PPFIA2: variants seen among roughly 807,000 people sequenced by gnomAD.
PPFIA2 encodes the protein liprin-alpha-2.
PPFIA2 carries 46 observed loss-of-function variants against 175.5 expected under a neutral mutation model. That is an observed-to-expected ratio of 0.26 (90% CI 0.21 to 0.34). The LOEUF (loss-of-function observed/expected upper bound fraction) is 0.34, where lower values mean the gene tolerates loss of function less well. PPFIA2 is among the 10% of genes least tolerant of loss of function. The pLI is 1.00. For missense variants in PPFIA2, 1,179 were observed against 1,506.1 expected, an observed-to-expected ratio of 0.78 and a Z score of 3.60; for synonymous variants, 568 against 511.4, an observed-to-expected ratio of 1.11 and a Z score of -1.49.
At chr12:81,619,987 G>A (rs184027277) in intron 4 of PPFIA2, among the ~76,000 whole-genome samples, 1 of 151,870 alleles carries the variant, frequency 6.6e-6, no homozygotes, top group African/African-American at 2.4e-5. Context: ...GTGAAACCCC[G>A]TCTCTACTGA....
chr12:81,618,438 G>GAAAAA (rs1555529116), intron 4 of PPFIA2, among the ~76,000 whole-genome samples: 19 of 151,442 alleles, frequency 1.3e-4, no homozygotes, highest in African/African-American at 4.4e-4. Flanking sequence ...TTAAAAGGTA[G>GAAAAA]AGAAAACTGA....
At position 81,259,478 on chromosome 12, in the gene PPFIA2, T is replaced by C. The variant is rs902218667; in HGVS notation, c.*216A>G. 2.3e-5 allele frequency: 16 copies of C among 693,018 alleles called. No homozygotes were observed. Among genetic ancestry groups the C allele is most frequent in the African/African-American group, 5.4e-5 (3 of 55,592 alleles). The allele number at this position is 693,018 out of a possible 1,614,324, so 42.9% of individuals were successfully genotyped here. On this transcript the variant is annotated 3_prime_UTR_variant, in exon 33 of 33. Transcript: ENST00000549396. The stretch of plus-strand genomic sequence containing the variant: ...TATTATTCAAATGACTTAAGCATTT[T>C]ATTACAATTTGTAGTAAACTAATCA...
At chr12:81,518,959 A>G (rs139476899) in intron 4 of PPFIA2, among the ~76,000 whole-genome samples, 26 of 152,316 alleles carry the variant, frequency 1.7e-4, no homozygotes, top group African/African-American at 5.5e-4. Flanking sequence ...AGATAAAACA[A>G]ACCTTTAAAG....
intron 23 of PPFIA2, among the ~76,000 whole-genome samples, chr12:81,296,210 G>A (rs117997534): frequency 0.021 from 3,206 of 151,734 alleles, 66 homozygotes; most frequent in South Asian, 0.072. Flanking sequence ...TTCCAGCTAC[G>A]GGGGAGGCTG....
chr12:81,267,320 T>C (rs1042593370), intron 29 of PPFIA2: 4 of 428,472 alleles, frequency 9.3e-6, no homozygotes, highest in Non-Finnish European at 1.8e-5. Context: ...CTCTGAAATA[T>C]GTAAAAACAA....
intron 3 of PPFIA2, among the ~76,000 whole-genome samples, chr12:81,702,233 A>G (rs11114983): frequency 0.18 from 27,293 of 152,106 alleles, 3,128 homozygotes; most frequent in Admixed American, 0.24. Flanking sequence ...AGTTCCACAC[A>G]TGCATCCCTT....
At chr12:81,446,251 T>C (rs1189048361) in intron 5 of PPFIA2, among the ~76,000 whole-genome samples, 1 of 152,194 alleles carries the variant, frequency 6.6e-6, no homozygotes, top group Non-Finnish European at 1.5e-5. Context: ...AATTAGAACA[T>C]AGTAACTGAG....
intron 24 of PPFIA2, chr12:81,294,465 GGAAGGAAGGAAGGAAGGAAGGAAA>G (rs1441902523): frequency 6.6e-5 from 12 of 182,026 alleles, no homozygotes; most frequent in East Asian, 3.4e-4. Context: ...AAGGAAGGAA[GGAAGGAAGGAAGGAAGGAAGGAAA>G]GAAGGAAGGA....
rs770455182 is a variant in PPFIA2 at position 81,339,202 on chromosome 12, T to A, written c.2526A>T (p.Glu842Asp). ...SSIGRLFGKK[E>D]KARLGQLRGF... Reference sequence around the variant, plus strand: ...TACGGAGCTGCCCAAGTCGAGCTTTTTCTTTTTTACCAAACAAACGTCCTA... The same window carrying A: ...TACGGAGCTGCCCAAGTCGAGCTTTATCTTTTTTACCAAACAAACGTCCTA... Residue 842 changes from glutamate to aspartate, a missense_variant, in exon 21 of 33, where the codon GAA becomes GAT. Physicochemically the swap from Glu to Asp is conservative, Grantham distance 45. Around this residue, in one of 10 missense-constraint regions of PPFIA2, gnomAD observed 223 missense variants for 241.6 expected, o/e 0.92. Transcript: ENST00000549396. The A allele has an allele frequency of 1.2e-6, 2 of 1,602,536 alleles. No homozygotes were observed. The highest frequency in any genetic ancestry group is 2.2e-5 in the South Asian group (2 of 89,062).
At chr12:81,359,142 C>A (rs887274930) in intron 15 of PPFIA2, among the ~76,000 whole-genome samples, 3 of 151,976 alleles carry the variant, frequency 2.0e-5, no homozygotes, top group African/African-American at 7.2e-5. Flanking sequence ...AGGAAATATA[C>A]TTAAAGCTGT....
rs1291185165 is a variant in PPFIA2, at chr12:81,362,193, T to C, written c.1637+500A>G. Among the ~76,000 whole-genome samples, 6 of 151,430 alleles carry C rather than the reference T, an allele frequency of 4.0e-5. No homozygotes were observed. In the South Asian group the frequency reaches 8.3e-4, roughly 21 times the overall value. ...GATTCATTTCTCTTTTCCTCTTTTT[T>C]TTTTTTGCAATTACTTTACCGAAAT... On this transcript the variant is annotated intron_variant, in intron 15 of 32. Coordinates refer to ENST00000549396, the MANE Select transcript of PPFIA2 (RefSeq NM_003625.5).
chr12:81,702,612 C>G (rs1461261525), intron 3 of PPFIA2, among the ~76,000 whole-genome samples: 1 of 152,096 alleles, frequency 6.6e-6, no homozygotes, highest in Non-Finnish European at 1.5e-5. Flanking sequence ...GGGGAAGCCT[C>G]CAATGACACT....
intron 4 of PPFIA2, among the ~76,000 whole-genome samples, chr12:81,485,262 AG>A (rs371563758): frequency 7.7e-4 from 117 of 151,694 alleles, no homozygotes; most frequent in African/African-American, 2.8e-3. Flanking sequence ...ATTTTATTTT[AG>A]TTGTTCTCTT....
intron 4 of PPFIA2, among the ~76,000 whole-genome samples, chr12:81,621,249 G>T (rs1331311589): frequency 2.0e-5 from 3 of 152,184 alleles, no homozygotes; most frequent in Non-Finnish European, 4.4e-5. Flanking sequence ...GTGCTAGGTA[G>T]GCAGTATAGC....
chr12:81,369,149 C>G lies in PPFIA2; in HGVS notation c.1312G>C (p.Glu438Gln). 1 of 1,608,830 alleles carries G rather than the reference C, an allele frequency of 6.2e-7. No individual in the cohort carries two copies. The part of the protein sequence containing the change: ...GNIEERMRHL[E>Q]GQLEEKNQEL... ...TGATTCTTCTCTTCAAGTTGACCCT[C>G]TAAATGTCTCATACGTTCTTCAATA... is the stretch of plus-strand genomic sequence containing the variant. The change falls in exon 12 of 33, where the codon GAG becomes CAG. Residue 438 changes from glutamate to glutamine, a missense_variant. Transcript: ENST00000549396.
At chr12:81,401,444 A>C (rs2042085236) in intron 8 of PPFIA2, among the ~76,000 whole-genome samples, 1 of 152,124 alleles carries the variant, frequency 6.6e-6, no homozygotes, top group Non-Finnish European at 1.5e-5. Flanking sequence ...AGGAACTTCA[A>C]ACAAATCGCT....
chr12:81,405,901 A>G lies in PPFIA2; in HGVS notation c.648T>C (p.Ile216=), dbSNP rs771423380. 35 of 1,545,470 alleles carry G rather than the reference A, an allele frequency of 2.3e-5. No individual in the cohort carries two copies. The highest frequency in any genetic ancestry group is 3.1e-5 in the Non-Finnish European group (35 of 1,139,774). Residue 216 remains isoleucine (I), a splice_region_variant and synonymous_variant, in exon 8 of 33, where the codon ATT becomes ATC. Coordinates refer to ENST00000549396, the MANE Select transcript of PPFIA2 (RefSeq NM_003625.5). ...EEELAAANQE[I]VALREQNVHI... is the part of the protein sequence containing the mutation. ...GAACATTTTGTTCACGCAAGGCAAC[A>G]ATCTGCAAAATAAAAGCACTATGCC...
At chr12:81,709,824 T>C (rs1425760584) in intron 3 of PPFIA2, among the ~76,000 whole-genome samples, 1 of 152,186 alleles carries the variant, frequency 6.6e-6, no homozygotes, top group South Asian at 2.1e-4. Flanking sequence ...TTCACTTGCC[T>C]GATTGTTTTC....
intron 4 of PPFIA2, among the ~76,000 whole-genome samples, chr12:81,634,701 T>C (rs1056331510): frequency 2.0e-5 from 3 of 152,092 alleles, no homozygotes; most frequent in African/African-American, 7.2e-5. Context: ...GAGAACCACA[T>C]GAGGCACTGT....
Sources: gnomAD v4.1 joint callset for allele counts (sites outside exome capture counted in the v4.1 genomes callset) on GRCh38, gnomAD v4.1.1 for gene constraint, gnomAD v4.1.1 regional missense constraint, MANE v1.5 for transcripts, NCBI Gene and HGNC (gene_info 2026-07-23, HGNC 2026-07-21) for gene names.